SLC4A4: variants seen among roughly 807,000 people sequenced by gnomAD.
SLC4A4 encodes solute carrier family 4 member 4, also known as electrogenic sodium bicarbonate cotransporter 1.
SLC4A4 carries 27 observed loss-of-function variants against 111.5 expected under a neutral mutation model. The observed-to-expected ratio is 0.24, with a 90% confidence interval of 0.18 to 0.33. The LOEUF is 0.33. Among genes scored for constraint, SLC4A4 ranks in the 10% least tolerant of loss-of-function variants. The probability of loss-of-function intolerance (pLI) is 1.00; values close to 1 mark genes in which losing one functional copy is unlikely to be tolerated. For synonymous variants in SLC4A4, 443 were observed against 463.4 expected (o/e 0.96, Z 0.57); for missense variants, 909 against 1,315.5 (o/e 0.69, Z 4.78).
At chr4:71,366,315 TTG>T (rs71673473) in intron 6 of SLC4A4, among the ~76,000 whole-genome samples, 13,999 of 137,866 alleles carry the variant, frequency 0.1, 1,170 homozygotes, top group African/African-American at 0.24. Flanking sequence ...TCTGGAGATA[TTG>T]TGTGTGTGTG....
chr4:71,240,393 A>C (rs1051425635), intron 2 of SLC4A4, among the ~76,000 whole-genome samples: 4 of 152,206 alleles, frequency 2.6e-5, no homozygotes, highest in African/African-American at 9.6e-5. Flanking sequence ...CATCAAGTTC[A>C]ACCAACAACT....
At chr4:71,486,830 T>C (rs751078713) in intron 14 of SLC4A4, 118 bp from the exon 15 acceptor site, 73 of 606,992 alleles carry the variant, frequency 1.2e-4, no homozygotes, top group Non-Finnish European at 1.8e-4. Flanking sequence ...TGTGCCCTTA[T>C]GTTGTTATTA....
chr4:71,365,042 G>C (rs1731121342), intron 6 of SLC4A4, among the ~76,000 whole-genome samples: 1 of 152,050 alleles, frequency 6.6e-6, no homozygotes, highest in Admixed American at 6.5e-5. Context: ...TATAAAGATT[G>C]ATCATTATGT....
chr4:71,294,584 T>C (rs1429135992), intron 3 of SLC4A4, among the ~76,000 whole-genome samples: 1 of 152,220 alleles, frequency 6.6e-6, no homozygotes, highest in Non-Finnish European at 1.5e-5. Flanking sequence ...CCCGAACTCA[T>C]GATGAATCAA....
At chr4:71,212,329 C>G (rs1228415834) in intron 1 of SLC4A4, among the ~76,000 whole-genome samples, 2 of 152,180 alleles carry the variant, frequency 1.3e-5, no homozygotes, top group Non-Finnish European at 2.9e-5. Flanking sequence ...AATGTAGTCA[C>G]CATCCTGTGT....
At chr4:71,243,795 A>C (rs559047605) in intron 2 of SLC4A4, among the ~76,000 whole-genome samples, 95 of 152,328 alleles carry the variant, frequency 6.2e-4, no homozygotes, top group Non-Finnish European at 1.1e-3. Context: ...TAGAATTAGA[A>C]GGCAGCTATC....
intron 1 of SLC4A4, among the ~76,000 whole-genome samples, chr4:71,205,724 G>A (rs1350817491): frequency 6.6e-6 from 1 of 152,138 alleles, no homozygotes; most frequent in Non-Finnish European, 1.5e-5. Context: ...AAAATAAAAT[G>A]AGAGCCTGTC....
At chr4:71,253,418 T>G (rs547664108) in intron 2 of SLC4A4, among the ~76,000 whole-genome samples, 1 of 152,330 alleles carries the variant, frequency 6.6e-6, no homozygotes, top group South Asian at 2.1e-4. Flanking sequence ...TACCATTTTT[T>G]GCTTAGCCGC....
chr4:71,321,631 G>C (rs1727128897), intron 3 of SLC4A4, among the ~76,000 whole-genome samples: 1 of 151,918 alleles, frequency 6.6e-6, no homozygotes, highest in Non-Finnish European at 1.5e-5. Flanking sequence ...GGGAGGGCCT[G>C]CTTGGAGTGT....
chr4:71,453,359 G>A (rs966189263), intron 11 of SLC4A4, 136 bp from the exon 12 acceptor site: 12 of 894,034 alleles, frequency 1.3e-5, no homozygotes, highest in Middle Eastern at 3.3e-4. Flanking sequence ...TGGTTTCATC[G>A]TAAGTGGTTA....
At chr4:71,407,515 A>C (rs1459316511) in intron 7 of SLC4A4, among the ~76,000 whole-genome samples, 1 of 152,228 alleles carries the variant, frequency 6.6e-6, no homozygotes, top group Non-Finnish European at 1.5e-5. Flanking sequence ...CCATCAATCA[A>C]AGAGGAACCA....
At chr4:71,261,127 A>C (rs1721823731) in intron 3 of SLC4A4, among the ~76,000 whole-genome samples, 1 of 152,204 alleles carries the variant, frequency 6.6e-6, no homozygotes, top group African/African-American at 2.4e-5. Context: ...TGAGAGAAGC[A>C]ACCTAAATTC....
intron 21 of SLC4A4, among the ~76,000 whole-genome samples, chr4:71,556,968 C>A (rs1243986452): frequency 6.6e-6 from 1 of 151,966 alleles, no homozygotes; most frequent in Non-Finnish European, 1.5e-5. Flanking sequence ...TCCCATTCGT[C>A]ACTGGCAAGG....
At chr4:71,309,454 T>A (rs1420546614) in intron 3 of SLC4A4, among the ~76,000 whole-genome samples, 1 of 152,138 alleles carries the variant, frequency 6.6e-6, no homozygotes, top group Non-Finnish European at 1.5e-5. Flanking sequence ...CAACAGGGGT[T>A]GACAGACACC....
chr4:71,213,685 G>C (rs953371855), intron 1 of SLC4A4, among the ~76,000 whole-genome samples: 1 of 152,160 alleles, frequency 6.6e-6, no homozygotes, highest in Non-Finnish European at 1.5e-5. Flanking sequence ...TTTCCAGTAC[G>C]ATGATATTTG....
At chr4:71,419,184 T>G (rs997546986) in intron 7 of SLC4A4, among the ~76,000 whole-genome samples, 1 of 152,200 alleles carries the variant, frequency 6.6e-6, no homozygotes, top group Non-Finnish European at 1.5e-5. Flanking sequence ...CGTTCTCAGA[T>G]CTCCAGCTGC....
intron 7 of SLC4A4, among the ~76,000 whole-genome samples, chr4:71,433,955 A>G (rs542469719): frequency 6.6e-6 from 1 of 152,214 alleles, no homozygotes; most frequent in South Asian, 2.1e-4. Flanking sequence ...TCTCAAAAGC[A>G]TAATGTTGAA....
intron 1 of SLC4A4, among the ~76,000 whole-genome samples, chr4:71,067,859 C>T (rs1469366457): frequency 6.6e-6 from 1 of 151,814 alleles, no homozygotes. Flanking sequence ...GTGATCCTTC[C>T]ACTTCAGCCT....
intron 10 of SLC4A4, 119 bp downstream of exon 10, chr4:71,450,662 T>G (rs1725678740): frequency 2.1e-6 from 2 of 953,472 alleles, no homozygotes; most frequent in African/African-American, 1.7e-5. Flanking sequence ...CCTGTTTAAC[T>G]TGATGTATTT....
Sources: gnomAD v4.1 joint callset for allele counts (sites outside exome capture counted in the v4.1 genomes callset) on GRCh38, gnomAD v4.1.1 for gene constraint, MANE v1.5 for transcripts, NCBI Gene and HGNC (gene_info 2026-07-23, HGNC 2026-07-21) for gene names.